TMOD1: variants seen among roughly 807,000 people sequenced by gnomAD.
TMOD1 encodes the protein tropomodulin-1.
In TMOD1, 17 loss-of-function variants were observed where a neutral mutation model predicts 40.6. The observed-to-expected ratio is 0.42, with a 90% CI of 0.29 to 0.63. The LOEUF is 0.63. TMOD1 is among the 20% of genes least tolerant of loss of function. The probability of loss-of-function intolerance (pLI) is 0.22; values close to 1 mark genes in which losing one functional copy is unlikely to be tolerated. For synonymous variants in TMOD1, 181 were observed against 175.0 expected (o/e 1.03, Z -0.27); for missense variants, 391 against 447.6 (o/e 0.87, Z 1.14).
At chr9:97,574,570 C>T (rs531311702) in intron 8 of TMOD1, among the ~76,000 whole-genome samples, 5 of 152,378 alleles carry the variant, frequency 3.3e-5, no homozygotes, top group Non-Finnish European at 7.3e-5. Context: ...GCGCAGGGCG[C>T]GGGACTGGCA....
chr9:97,543,338 A>G (rs1396018051), intron 2 of TMOD1, among the ~76,000 whole-genome samples: 3 of 152,244 alleles, frequency 2.0e-5, no homozygotes, highest in Non-Finnish European at 2.9e-5. Flanking sequence ...TTATATTTGG[A>G]TAATACATTC....
chr9:97,505,106 C>T (rs938037043), intron 1 of TMOD1, among the ~76,000 whole-genome samples: 1 of 152,198 alleles, frequency 6.6e-6, no homozygotes, highest in Non-Finnish European at 1.5e-5. Flanking sequence ...TTGGAGTCAA[C>T]TTAGGACACG....
At chr9:97,530,706 G>T (rs539117645) in intron 2 of TMOD1, among the ~76,000 whole-genome samples, 5 of 150,364 alleles carry the variant, frequency 3.3e-5, no homozygotes, top group African/African-American at 4.9e-5. Flanking sequence ...AGCCAGGATG[G>T]TCTCGATCTC....
intron 2 of TMOD1, among the ~76,000 whole-genome samples, chr9:97,531,310 G>A (rs1230311528): frequency 6.6e-6 from 1 of 152,124 alleles, no homozygotes; most frequent in Non-Finnish European, 1.5e-5. Flanking sequence ...ACCATAATGT[G>A]TCAAGAGTTC....
At chr9:97,576,091 G>A (rs1221455334) in intron 8 of TMOD1, among the ~76,000 whole-genome samples, 3 of 152,176 alleles carry the variant, frequency 2.0e-5, no homozygotes, top group Non-Finnish European at 4.4e-5. Flanking sequence ...GAAGCCAATA[G>A]AAGGAATAAG....
chr9:97,579,060 G>A (rs1223460392), intron 8 of TMOD1, among the ~76,000 whole-genome samples: 1 of 152,140 alleles, frequency 6.6e-6, no homozygotes. Flanking sequence ...CCTCTTCCCA[G>A]CATTCTCAGG....
chr9:97,507,619 T>C (rs968085030), intron 1 of TMOD1, among the ~76,000 whole-genome samples: 1 of 152,228 alleles, frequency 6.6e-6, no homozygotes, highest in Non-Finnish European at 1.5e-5. Flanking sequence ...AGTGGGTGTG[T>C]GATTCCCCTG....
chr9:97,509,586 A>G (rs1829661955), intron 1 of TMOD1, among the ~76,000 whole-genome samples: 1 of 142,314 alleles, frequency 7.0e-6, no homozygotes, highest in South Asian at 2.2e-4. Context: ...TGCAACCTCC[A>G]CCTTCTGGGC....
chr9:97,540,787 T>C (rs1310599229), intron 2 of TMOD1, among the ~76,000 whole-genome samples: 1 of 152,236 alleles, frequency 6.6e-6, no homozygotes, highest in Non-Finnish European at 1.5e-5. Flanking sequence ...CTGGTGAACA[T>C]TAGACTTGTT....
At chr9:97,528,586 C>T (rs1241779389) in intron 2 of TMOD1, among the ~76,000 whole-genome samples, 1 of 152,330 alleles carries the variant, frequency 6.6e-6, no homozygotes, top group African/African-American at 2.4e-5. Flanking sequence ...TGGAGGGCCT[C>T]CCTTCTTTTG....
chr9:97,511,403 A>C (rs1359391961), intron 1 of TMOD1, among the ~76,000 whole-genome samples: 2 of 152,190 alleles, frequency 1.3e-5, no homozygotes, highest in Non-Finnish European at 2.9e-5. Flanking sequence ...TAATAGAACT[A>C]GGCCTTAAAG....
At chr9:97,581,000 T>TTTTC (rs1825739394) in intron 8 of TMOD1, among the ~76,000 whole-genome samples, 2 of 96,496 alleles carry the variant, frequency 2.1e-5, no homozygotes, top group African/African-American at 4.0e-5. Flanking sequence ...CTTTTTTCTT[T>TTTTC]TTTTTTATTA....
intron 4 of TMOD1, chr9:97,555,462 C>G: frequency 7.0e-7 from 1 of 1,429,048 alleles, no homozygotes; most frequent in Non-Finnish European, 9.1e-7. Flanking sequence ...CAACTCTGTG[C>G]TACGTTTCTG....
chr9:97,599,277 A>G (rs1353761407), intron 9 of TMOD1, among the ~76,000 whole-genome samples: 1 of 152,208 alleles, frequency 6.6e-6, no homozygotes, highest in Non-Finnish European at 1.5e-5. Context: ...TTAAGACCCT[A>G]ATCTCATTAA....
chr9:97,511,862 G>A (rs914384586), intron 1 of TMOD1, among the ~76,000 whole-genome samples: 8 of 152,060 alleles, frequency 5.3e-5, no homozygotes, highest in East Asian at 1.9e-4. Context: ...TGGGATTACC[G>A]GTGTGAGTCA....
chr9:97,561,683 G>A (rs1179757127), intron 4 of TMOD1, among the ~76,000 whole-genome samples: 1 of 152,156 alleles, frequency 6.6e-6, no homozygotes, highest in Non-Finnish European at 1.5e-5. Context: ...CATCACTGGT[G>A]TCCTGGCCTT....
At chr9:97,519,522 AG>A (rs1438518428) in intron 1 of TMOD1, among the ~76,000 whole-genome samples, 1 of 152,158 alleles carries the variant, frequency 6.6e-6, no homozygotes, top group Non-Finnish European at 1.5e-5. Context: ...CCATGCTGGG[AG>A]CCCCAGCGGC....
At chr9:97,510,013 C>A (rs549214740) in intron 1 of TMOD1, among the ~76,000 whole-genome samples, 1 of 152,092 alleles carries the variant, frequency 6.6e-6, no homozygotes, top group Non-Finnish European at 1.5e-5. Flanking sequence ...AACAAATCAG[C>A]CTTTTGTTTA....
At chr9:97,597,886 C>T (rs140684639) in intron 9 of TMOD1, among the ~76,000 whole-genome samples, 222 of 152,128 alleles carry the variant, frequency 1.5e-3, no homozygotes, top group African/African-American at 5.3e-3. Flanking sequence ...GCTGCCAGCT[C>T]TCAGGGACTG....
Sources: allele counts gnomAD v4.1 joint callset (sites outside exome capture counted in the v4.1 genomes callset), GRCh38; gene constraint gnomAD v4.1.1; transcripts MANE v1.5; gene names NCBI Gene and HGNC (gene_info 2026-07-23, HGNC 2026-07-21).